The following ARB2A variants were observed in gnomAD, a reference collection of about 807,000 sequenced individuals.
The protein encoded by ARB2A is ARB2 cotranscriptional regulator A, also known as cotranscriptional regulator ARB2A.
chr5:93,726,836 T>C, the ARB2A span, among the ~76,000 whole-genome samples: 1 of 152,162 alleles, frequency 6.6e-6, no homozygotes, highest in Non-Finnish European at 1.5e-5. Flanking sequence ...GTCTACATAT[T>C]TGAATATGTA....
At chr5:93,761,919 C>T in the ARB2A span, among the ~76,000 whole-genome samples, 1 of 152,340 alleles carries the variant, frequency 6.6e-6, no homozygotes, top group East Asian at 1.9e-4. Flanking sequence ...GTTCTGCAGC[C>T]TCTGCTGCTG....
At chr5:94,058,865 G>C in the ARB2A span, among the ~76,000 whole-genome samples, 4 of 152,052 alleles carry the variant, frequency 2.6e-5, no homozygotes, top group Admixed American at 6.5e-5. Flanking sequence ...TTGGGTCATG[G>C]GGGCAGAACT....
chr5:93,916,490 C>A, the ARB2A span, among the ~76,000 whole-genome samples: 1 of 152,094 alleles, frequency 6.6e-6, no homozygotes, highest in Non-Finnish European at 1.5e-5. Context: ...ATAGTATTTT[C>A]AACTGATGGC....
the ARB2A span, among the ~76,000 whole-genome samples, chr5:93,994,942 A>G: frequency 6.6e-6 from 1 of 151,810 alleles, no homozygotes; most frequent in Non-Finnish European, 1.5e-5. Context: ...AGAAAAAGGT[A>G]TATATAAATG....
the ARB2A span, among the ~76,000 whole-genome samples, chr5:93,899,468 T>A: frequency 1.3e-5 from 2 of 152,056 alleles, no homozygotes; most frequent in Non-Finnish European, 2.9e-5. Context: ...TTAAAAAAAA[T>A]TTTGATTATG....
chr5:93,747,928 G>A, the ARB2A span, among the ~76,000 whole-genome samples: 3 of 152,002 alleles, frequency 2.0e-5, no homozygotes, highest in African/African-American at 7.2e-5. Flanking sequence ...TGGCTCAAGA[G>A]GTACAAAAGT....
At chr5:93,883,462 T>G in the ARB2A span, among the ~76,000 whole-genome samples, 1 of 151,636 alleles carries the variant, frequency 6.6e-6, no homozygotes, top group South Asian at 2.1e-4. Context: ...CAACAAAAGA[T>G]ATTTTATTTG....
At chr5:94,057,456 T>C in the ARB2A span, among the ~76,000 whole-genome samples, 6 of 152,044 alleles carry the variant, frequency 3.9e-5, no homozygotes, top group Non-Finnish European at 5.9e-5. Flanking sequence ...GTTCAGGAGA[T>C]GGATGGTGGT....
chr5:94,101,854 T>C, the ARB2A span, among the ~76,000 whole-genome samples: 4 of 151,962 alleles, frequency 2.6e-5, no homozygotes, highest in Non-Finnish European at 5.9e-5. Flanking sequence ...CTGAGCTTGA[T>C]ACCTGGGTGA....
the ARB2A span, among the ~76,000 whole-genome samples, chr5:93,896,322 T>C: frequency 5.0e-3 from 763 of 152,226 alleles, 8 homozygotes; most frequent in African/African-American, 0.017. Flanking sequence ...GACAGACTTT[T>C]GTGGACTGCA....
At chr5:94,093,653 A>C in the ARB2A span, among the ~76,000 whole-genome samples, 8 of 152,324 alleles carry the variant, frequency 5.3e-5, no homozygotes, top group Middle Eastern at 3.4e-3. Context: ...CTCAAAATTC[A>C]TGTCCTTATC....
the ARB2A span, chr5:93,958,710 C>A: frequency 1.8e-6 from 2 of 1,140,566 alleles, no homozygotes; most frequent in Non-Finnish European, 1.2e-6. Flanking sequence ...TTTGAAGAAA[C>A]ATAAAAACAT....
chr5:93,718,722 C>T, the ARB2A span, among the ~76,000 whole-genome samples: 3 of 152,314 alleles, frequency 2.0e-5, no homozygotes, highest in East Asian at 5.8e-4. Flanking sequence ...GTCCATTTTA[C>T]TTCTAAGGAG....
chr5:93,916,458 C>T, the ARB2A span, among the ~76,000 whole-genome samples: 1 of 152,022 alleles, frequency 6.6e-6, no homozygotes, highest in Non-Finnish European at 1.5e-5. Flanking sequence ...TATGCTCTAC[C>T]AAGTTTAATA....
chr5:93,992,933 G>T, the ARB2A span, among the ~76,000 whole-genome samples: 1 of 151,820 alleles, frequency 6.6e-6, no homozygotes. Context: ...TTTTGTTCCA[G>T]AAAAGACCTA....
the ARB2A span, among the ~76,000 whole-genome samples, chr5:93,997,699 C>A: frequency 8.7e-4 from 133 of 152,004 alleles, 1 homozygote; most frequent in Non-Finnish European, 1.5e-3. Flanking sequence ...GATTTGATAA[C>A]CTCATGTATC....
the ARB2A span, chr5:93,865,276 T>C: frequency 2.5e-6 from 1 of 403,554 alleles, no homozygotes; most frequent in African/African-American, 2.2e-5. Context: ...AGAGATGGGG[T>C]TTCACCTTGT....
the ARB2A span, among the ~76,000 whole-genome samples, chr5:93,765,806 A>C: frequency 6.6e-6 from 1 of 152,212 alleles, no homozygotes; most frequent in African/African-American, 2.4e-5. Context: ...GGCTATGGTA[A>C]CCAAAACAGC....
the ARB2A span, among the ~76,000 whole-genome samples, chr5:93,669,865 C>A: frequency 6.6e-6 from 1 of 152,252 alleles, no homozygotes; most frequent in Non-Finnish European, 1.5e-5. Context: ...TAAAGTTATG[C>A]ACTTGCTATT....
Sources: allele counts gnomAD v4.1 joint callset (sites outside exome capture counted in the v4.1 genomes callset), GRCh38; gene constraint gnomAD v4.1.1; transcripts MANE v1.5; gene names NCBI Gene and HGNC (gene_info 2026-07-23, HGNC 2026-07-21).